The following ULK4 variants were observed in gnomAD, a reference collection of about 807,000 sequenced individuals.
The protein encoded by ULK4 is inactive serine/threonine-protein kinase ULK4.
A neutral mutation model predicts 160.6 loss-of-function variants in ULK4; 133 were observed. The observed-to-expected ratio is 0.83, with a 90% CI of 0.72 to 0.96. The LOEUF is 0.96. ULK4 is among the 40% of genes least tolerant of loss of function. The pLI is 0.00. For missense variants in ULK4, 1,580 were observed against 1,499.5 expected (o/e 1.05, Z -0.89); for synonymous variants, 534 against 539.8 (o/e 0.99, Z 0.15).
intron 31 of ULK4, among the ~76,000 whole-genome samples, chr3:41,584,584 G>A (rs2030649630): frequency 6.6e-6 from 1 of 152,086 alleles, no homozygotes; most frequent in Non-Finnish European, 1.5e-5. Context: ...ACCATGCCTG[G>A]CCAAGAAATA....
At chr3:41,938,274 CA>C in intron 2 of ULK4, 77 bp from the exon 3 acceptor site, 1 of 1,059,308 alleles carries the variant, frequency 9.4e-7, no homozygotes, top group South Asian at 1.6e-5. Flanking sequence ...CCTAAATATA[CA>C]ATTGGTAAAT....
chr3:41,473,909 C>G (rs906712888), intron 32 of ULK4, among the ~76,000 whole-genome samples: 1 of 152,024 alleles, frequency 6.6e-6, no homozygotes, highest in Non-Finnish European at 1.5e-5. Context: ...TTAAAATGTC[C>G]GTTCTGCCTA....
rs529763915 is a variant in ULK4 at position 41,655,425 on chromosome 3, C to T, written c.3071+8182G>A. On this transcript the variant is annotated intron_variant, in intron 30 of 36. Transcript: ENST00000301831. ...ATAGCATTAGGAGATATACCTAATG[C>T]TAAATGACGAGTTAATGGGTGCAGC... 9.9e-4 allele frequency among the ~76,000 whole-genome samples: 150 copies of T among 150,908 alleles called. 1 individual carries two copies. Among genetic ancestry groups the T allele is most frequent in the African/African-American group, 3.5e-3 (144 of 41,034 alleles).
chr3:41,428,043 T>TTA (rs2082817471), intron 34 of ULK4, among the ~76,000 whole-genome samples: 1 of 152,172 alleles, frequency 6.6e-6, no homozygotes, highest in South Asian at 2.1e-4. Flanking sequence ...GCCCAAAAGT[T>TTA]TAAGCTGATA....
intron 30 of ULK4, among the ~76,000 whole-genome samples, chr3:41,658,733 A>ACACACACACACACACACACTGT (rs760275808): frequency 0.035 from 4,572 of 131,584 alleles, 107 homozygotes; most frequent in South Asian, 0.065. Context: ...AACAGTACAC[A>ACACACACACACACACACACTGT]CACACACACA....
intron 34 of ULK4, among the ~76,000 whole-genome samples, chr3:41,426,995 AAT>A (rs2082791547): frequency 6.6e-6 from 1 of 151,736 alleles, no homozygotes; most frequent in African/African-American, 2.4e-5. Context: ...TTTTTGAAAA[AAT>A]TAATAGATAT....
At chr3:41,697,530 A>C (rs2036541358) in intron 27 of ULK4, among the ~76,000 whole-genome samples, 1 of 152,214 alleles carries the variant, frequency 6.6e-6, no homozygotes, top group Admixed American at 6.5e-5. Context: ...AAAGAGTCAA[A>C]AAGTTTTTAG....
intron 33 of ULK4, among the ~76,000 whole-genome samples, chr3:41,458,519 C>A (rs879685304): frequency 7.3e-5 from 11 of 151,548 alleles, no homozygotes; most frequent in Non-Finnish European, 1.3e-4. Context: ...GGTGGCCTGT[C>A]AATTTCTGGG....
chr3:41,622,002 T>A (rs2033265772), intron 30 of ULK4, among the ~76,000 whole-genome samples: 2 of 151,878 alleles, frequency 1.3e-5, no homozygotes, highest in South Asian at 4.2e-4. Context: ...CCAACAAACA[T>A]ATGAAAAAGA....
intron 12 of ULK4, among the ~76,000 whole-genome samples, chr3:41,907,428 C>A (rs768055699): frequency 6.6e-6 from 1 of 152,024 alleles, no homozygotes; most frequent in Non-Finnish European, 1.5e-5. Context: ...TCCCATGTGG[C>A]TAGGGCTACA....
intron 35 of ULK4, among the ~76,000 whole-genome samples, chr3:41,300,951 G>A (rs1207838108): frequency 2.0e-5 from 3 of 146,634 alleles, no homozygotes; most frequent in African/African-American, 7.6e-5. Flanking sequence ...GTTGAATACA[G>A]ATTGAGCAGG....
chr3:41,837,712 C>A (rs918841206), intron 17 of ULK4, among the ~76,000 whole-genome samples: 42 of 152,198 alleles, frequency 2.8e-4, no homozygotes, highest in African/African-American at 1.0e-3. Context: ...AGGTACACAC[C>A]ACCATGGCCA....
At chr3:41,615,936 G>C (rs1318681946) in intron 30 of ULK4, among the ~76,000 whole-genome samples, 1 of 152,168 alleles carries the variant, frequency 6.6e-6, no homozygotes, top group South Asian at 2.1e-4. Flanking sequence ...TTATTGATGT[G>C]TAGCAAGTGA....
intron 17 of ULK4, among the ~76,000 whole-genome samples, chr3:41,863,985 A>T (rs1031418464): frequency 6.6e-6 from 1 of 151,902 alleles, no homozygotes; most frequent in Non-Finnish European, 1.5e-5. Context: ...CCCTCAGTCC[A>T]CTGTCTCTGG....
intron 29 of ULK4, among the ~76,000 whole-genome samples, chr3:41,674,767 T>C (rs1040903643): frequency 6.6e-6 from 1 of 152,174 alleles, no homozygotes; most frequent in Non-Finnish European, 1.5e-5. Context: ...TGACACATCA[T>C]TTCCAGCTTG....
In ULK4 at chr3:41,931,970, T is replaced by C. The variant is rs199622772; in HGVS notation, c.415A>G (p.Asn139Asp). 1.4e-4 allele frequency: 233 copies of C among 1,613,820 alleles called. No individual in the cohort carries two copies. Among genetic ancestry groups the C allele is most frequent in the Admixed American group, 2.0e-4 (12 of 59,982 alleles). ...LEGPGTLKFS[N>D]FCLAKVEGEN... ...CCTTCCACTTTTGCCAAGCAAAAGT[T>C]GCTAAACTTCAGTGTGCCAGGCCCT... Residue 139 changes from asparagine (N) to aspartate (D), a missense_variant, in exon 5 of 37, where the codon AAC becomes GAC. Transcript: ENST00000301831.
rs1339560809 is a variant in ULK4, at chr3:41,662,450, G to A, written c.3071+1157C>T. Among the ~76,000 whole-genome samples, 6 of 152,262 alleles carry A rather than the reference G, an allele frequency of 3.9e-5. No individual in the cohort carries two copies. In the East Asian group the frequency reaches 5.8e-4, roughly 15 times the overall value. On this transcript the variant is annotated intron_variant, in intron 30 of 36. Transcript: ENST00000301831. ...AACTTGTCACCAGTGACTCAGTCACGGCAAATCTATGTGCCCTGACACACC... is the reference window on the plus strand; with the variant it reads ...AACTTGTCACCAGTGACTCAGTCACAGCAAATCTATGTGCCCTGACACACC...
intron 32 of ULK4, among the ~76,000 whole-genome samples, chr3:41,554,577 T>C (rs1795370): frequency 0.42 from 63,620 of 151,942 alleles, 14,794 homozygotes; most frequent in Non-Finnish European, 0.51. Context: ...GGCGGGAGTA[T>C]ACAGAGAGGT....
At chr3:41,662,977 T>C (rs1575543997) in intron 30 of ULK4, among the ~76,000 whole-genome samples, 1 of 151,894 alleles carries the variant, frequency 6.6e-6, no homozygotes, top group Admixed American at 6.6e-5. Context: ...TCCCAGCACT[T>C]TGGGAGGCCG....
Sources: allele counts gnomAD v4.1 joint callset (sites outside exome capture counted in the v4.1 genomes callset), GRCh38; gene constraint gnomAD v4.1.1; transcripts MANE v1.5; gene names NCBI Gene and HGNC (gene_info 2026-07-23, HGNC 2026-07-21).